The following BCKDK variants were observed in gnomAD, a reference collection of about 807,000 sequenced individuals.
BCKDK encodes branched chain keto acid dehydrogenase kinase.
In BCKDK, 28 loss-of-function variants were observed where a neutral mutation model predicts 43.9. The observed-to-expected ratio is 0.64, with a 90% confidence interval of 0.47 to 0.87. The LOEUF is 0.87. BCKDK is among the 40% of genes least tolerant of loss of function. BCKDK has a pLI of 0.00. For missense variants in BCKDK, 483 were observed against 581.4 expected (o/e 0.83, Z 1.74); for synonymous variants, 257 against 234.3 (o/e 1.10, Z -0.88).
At chr16:31,115,692 AT>A (rs35272234), downstream of BCKDK, 55,501 of 150,072 alleles carry the variant, frequency 0.37, 11,213 homozygotes, top group East Asian at 0.89. Flanking sequence ...GGCCCAGCTA[AT>A]TTTTTTTTTC....
Position 31,109,989 on chromosome 16 carries a change from G to A in BCKDK, c.376-88G>A. 6.4e-7 allele frequency: 1 copy of A among 1,568,882 alleles called. No individual in the cohort carries two copies. Among genetic ancestry groups the A allele is most frequent in the South Asian group, 1.1e-5 (1 of 90,130 alleles). ...GTTTGATCACGTGGTCGACCAGCTG[G>A]GTGGTGATCCCCATGGGTAGGTGGG... On this transcript the variant is annotated intron_variant, in intron 4 of 11. Coordinates refer to ENST00000219794, the MANE Select transcript of BCKDK (RefSeq NM_005881.4). This position sits in a 1 kb window ranked among gnomAD's most constrained non-coding sequence, Gnocchi z 5.3.
At position 31,109,117 on chromosome 16, in the gene BCKDK, G is replaced by A. The variant is rs554400700; in HGVS notation, c.-107G>A. The A allele has an allele frequency of 1.6e-5, 16 of 1,003,764 alleles. No homozygotes were observed. The African/African-American group carries it at 2.5e-4, about 15-fold the overall frequency. 62.2% of individuals were successfully genotyped at this position (1,003,764 alleles called of 1,614,324 possible). ...CACCCTGGTCCCTGAAGTCGGAGAA[G>A]AGCCCCTACCCACCCACACCCCCTT... On this transcript the variant is annotated 5_prime_UTR_variant, in exon 2 of 12. Coordinates refer to ENST00000219794, the MANE Select transcript of BCKDK (RefSeq NM_005881.4). The surrounding 1 kb of genome is among the most constrained non-coding windows in gnomAD (Gnocchi z 5.3).
downstream of BCKDK, among the ~76,000 whole-genome samples, chr16:31,113,412 G>A (rs1267911542): frequency 1.3e-5 from 2 of 152,238 alleles, no homozygotes; most frequent in Non-Finnish European, 2.9e-5. Flanking sequence ...AGGCTGGAGA[G>A]GCAGGCAGCA....
intron 8 of BCKDK, 33 bp from the exon 9 acceptor site, chr16:31,111,058 G>T (rs747833411): frequency 6.2e-7 from 1 of 1,611,076 alleles, no homozygotes; most frequent in Admixed American, 1.7e-5. Context: ...CTGGTGGAGG[G>T]GCCCCTGACT....
Position 31,110,751 on chromosome 16 carries a change from G to A in BCKDK, c.706G>A (p.Asp236Asn). The change falls in exon 8 of 12, where the codon GAC becomes AAC. Residue 236 changes from aspartate (D) to asparagine (N), a missense_variant. By Grantham distance (23) the Asp-to-Asn change is conservative. Transcript: ENST00000219794. This position sits in a 1 kb window ranked among gnomAD's most constrained non-coding sequence, Gnocchi z 5.4. ...SPKKIIEKWV[D>N]FARRLCEHKY... Reference sequence around the variant, plus strand: ...AAAGAAGATTATTGAGAAGTGGGTGGACTTTGCCAGGTGAGGCAAGAATGG... The same window carrying A: ...AAAGAAGATTATTGAGAAGTGGGTGAACTTTGCCAGGTGAGGCAAGAATGG... 2 of 1,614,098 alleles carry A rather than the reference G, an allele frequency of 1.2e-6. No individual in the cohort carries two copies. Among genetic ancestry groups the A allele is most frequent in the South Asian group, 2.2e-5 (2 of 91,084 alleles).
Position 31,109,825 on chromosome 16 carries a change from C to CG in BCKDK, c.375+47dup. On this transcript the variant is annotated intron_variant, in intron 4 of 11. Transcript: ENST00000219794. This position sits in a 1 kb window ranked among gnomAD's most constrained non-coding sequence, Gnocchi z 5.3. ...CTTAGGTCAGCGGGCCACCCTGCCC[C>CG]GGGGGCAAGTGGGGAGTCTGGGGCC... 3.8e-6 allele frequency: 6 copies of CG among 1,594,088 alleles called. No individual in the cohort carries two copies. The highest frequency in any genetic ancestry group is 4.3e-6 in the Non-Finnish European group (5 of 1,162,852).
Position 31,110,857 on chromosome 16 carries a change from G to T in BCKDK, c.716+96G>T, listed in dbSNP as rs907057833. 1.4e-6 allele frequency: 2 copies of T among 1,468,314 alleles called. No homozygotes were observed. Among genetic ancestry groups the T allele is most frequent in the African/African-American group, 1.4e-5 (1 of 71,712 alleles). 91.0% of individuals were successfully genotyped at this position (1,468,314 alleles called of 1,614,324 possible). On this transcript the variant is annotated intron_variant, in intron 8 of 11. Transcript: ENST00000219794. This position sits in a 1 kb window ranked among gnomAD's most constrained non-coding sequence, Gnocchi z 5.4. Reference sequence around the variant, plus strand: ...CGGGGCATGATCTGCGGGGAGCAGGGTTTCTCAACCATGGCACTATTGACA... The same window carrying T: ...CGGGGCATGATCTGCGGGGAGCAGGTTTTCTCAACCATGGCACTATTGACA...
intron 10 of BCKDK, among the ~76,000 whole-genome samples, chr16:31,111,655 C>T (rs189049718): frequency 6.6e-6 from 1 of 152,128 alleles, no homozygotes; most frequent in African/African-American, 2.4e-5. Context: ...GGATGCTGGG[C>T]CGAGGATAAA....
Position 31,112,707 on chromosome 16 carries a change from G to C in BCKDK, c.*442G>C. 1 of 330,336 alleles carries C rather than the reference G, an allele frequency of 3.0e-6. No individual in the cohort carries two copies. Among genetic ancestry groups the C allele is most frequent in the Non-Finnish European group, 5.8e-6 (1 of 171,424 alleles). The allele number at this position is 330,336 out of a possible 1,614,324, so 20.5% of individuals were successfully genotyped here. ...GCCTGGCAGGCCAGGAGTAGAATGG[G>C]TCCCAAGTCTGTTGCATGTTTGATT... On this transcript the variant is annotated 3_prime_UTR_variant, in exon 12 of 12. Coordinates refer to ENST00000219794, the MANE Select transcript of BCKDK (RefSeq NM_005881.4). The surrounding 1 kb of genome is among the most constrained non-coding windows in gnomAD (Gnocchi z 5.0).
At chr16:31,116,558 A>G (rs2057447015), downstream of BCKDK, among the ~76,000 whole-genome samples, 1 of 151,702 alleles carries the variant, frequency 6.6e-6, no homozygotes, top group Admixed American at 6.6e-5. Flanking sequence ...CCCTGGACAC[A>G]CCCGTTCTGC....
downstream of BCKDK, among the ~76,000 whole-genome samples, chr16:31,115,525 C>T (rs1453854034): frequency 6.6e-6 from 1 of 151,754 alleles, no homozygotes; most frequent in African/African-American, 2.4e-5. Context: ...GCCCAGCCTC[C>T]TTTTCTTTCC....
At position 31,110,595 on chromosome 16, in the gene BCKDK, G is replaced by GTGGGGCTGGTGCTT; in HGVS notation, c.643-86_643-73dup. 6.3e-7 allele frequency: 1 copy of GTGGGGCTGGTGCTT among 1,587,406 alleles called. No individual in the cohort carries two copies. Among genetic ancestry groups the GTGGGGCTGGTGCTT allele is most frequent in the Non-Finnish European group, 8.6e-7 (1 of 1,156,306 alleles). On this transcript the variant is annotated intron_variant, in intron 7 of 11. Coordinates refer to ENST00000219794, the MANE Select transcript of BCKDK (RefSeq NM_005881.4). This position sits in a 1 kb window ranked among gnomAD's most constrained non-coding sequence, Gnocchi z 5.4. ...GGTCAAGGGCCTGGGGGCTGAGGCT[G>GTGGGGCTGGTGCTT]TGGGGCTGGTGCTTTGGGGCAGTTC...
In BCKDK at chr16:31,112,248, G is replaced by A. The variant is rs1244555255; in HGVS notation, c.1222G>A (p.Glu408Lys). Residue 408 changes from glutamate (E) to lysine (K), a missense_variant, in exon 12 of 12, where the codon GAA becomes AAA. By Grantham distance (56) the Glu-to-Lys change is moderately conservative. Transcript: ENST00000219794. This position sits in a 1 kb window ranked among gnomAD's most constrained non-coding sequence, Gnocchi z 5.0. ...GCTCCGCCACATCGATGGCCGGGAG[G>A]AAAGCTTCCGGATCTGACCCCACAG... The part of the protein sequence containing the change: ...LRLRHIDGRE[E>K]SFRI 1 of 1,609,736 alleles carries A rather than the reference G, an allele frequency of 6.2e-7. No individual in the cohort carries two copies. The highest frequency in any genetic ancestry group is 8.5e-7 in the Non-Finnish European group (1 of 1,179,974).
At chr16:31,117,541 G>A (rs2057456151), downstream of BCKDK, 1 of 627,472 alleles carries the variant, frequency 1.6e-6, no homozygotes. Flanking sequence ...CGGGGCCGCG[G>A]GGACGGCCAC....
Position 31,109,366 on chromosome 16 carries a change from A to G in BCKDK, c.143A>G (p.Lys48Arg), listed in dbSNP as rs772082845. Residue 48 changes from lysine to arginine, a missense_variant, in exon 2 of 12, where the codon AAG becomes AGG. By Grantham distance (26) the Lys-to-Arg change is conservative. Transcript: ENST00000219794. This position sits in a 1 kb window ranked among gnomAD's most constrained non-coding sequence, Gnocchi z 5.3. ...HHVEMARERS[K>R]TVTSFYNQSA... ...GTGGAGATGGCTCGGGAGCGCTCCA[A>G]GACCGTCACCTCCTTTTACAACCAG... The G allele has an allele frequency of 6.2e-7, 1 of 1,609,744 alleles. No homozygotes were observed. Among genetic ancestry groups the G allele is most frequent in the Admixed American group, 1.7e-5 (1 of 59,756 alleles).
Position 31,110,443 on chromosome 16 carries a change from T to TC in BCKDK, c.587dup (p.Arg197GlufsTer16), listed in dbSNP as rs2057402338. On this transcript the variant is annotated frameshift_variant, in exon 7 of 12. Transcript: ENST00000219794. LOFTEE classifies it high-confidence loss of function. This position sits in a 1 kb window ranked among gnomAD's most constrained non-coding sequence, Gnocchi z 5.4. ...CTACTTCTTGGACAAGACGCTGACT[T>TC]CGAGGCTTGGAATCCGCATGTTGGC... 6.2e-7 allele frequency: 1 copy of TC among 1,613,752 alleles called. No individual in the cohort carries two copies. The highest frequency in any genetic ancestry group is 2.2e-5 in the East Asian group (1 of 44,886).
At chr16:31,114,603 T>C (rs2143951226), downstream of BCKDK, among the ~76,000 whole-genome samples, 1 of 152,238 alleles carries the variant, frequency 6.6e-6, no homozygotes, top group Middle Eastern at 3.4e-3. Flanking sequence ...AATAACCACA[T>C]TATAAATCAA....
rs556255123 is a variant in BCKDK, at chr16:31,109,713, T to C, written c.305T>C (p.Ile102Thr). ...CTGCAGCAAGAACTTCCAGTGAGGA[T>C]TGCTCACCGCATCAAGGGCTTCCGC... ...RYLQQELPVR[I>T]AHRIKGFRCL... The change falls in exon 4 of 12, where the codon ATT becomes ACT. Residue 102 changes from isoleucine (I) to threonine (T), a missense_variant. Ile to Thr is a moderately conservative substitution (Grantham distance 89). Transcript: ENST00000219794. This position sits in a 1 kb window ranked among gnomAD's most constrained non-coding sequence, Gnocchi z 5.3. 30 of 1,613,990 alleles carry C rather than the reference T, an allele frequency of 1.9e-5. No homozygotes were observed. The highest frequency in any genetic ancestry group is 6.7e-5 in the Admixed American group (4 of 60,032).
downstream of BCKDK, chr16:31,117,587 G>A (rs1021720261): frequency 1.1e-4 from 111 of 1,042,646 alleles, no homozygotes; most frequent in Admixed American, 5.8e-4. Flanking sequence ...CACAGACCCC[G>A]CCCTCAAACC....
Sources: allele counts gnomAD v4.1 joint callset (sites outside exome capture counted in the v4.1 genomes callset), GRCh38; gene constraint gnomAD v4.1.1; non-coding constraint Gnocchi (gnomAD v3.1); transcripts MANE v1.5; gene names NCBI Gene and HGNC (gene_info 2026-07-23, HGNC 2026-07-21).